The following PDE1C variants were observed in gnomAD, a reference collection of about 807,000 sequenced individuals.
PDE1C encodes the protein dual specificity calcium/calmodulin-dependent 3',5'-cyclic nucleotide phosphodiesterase 1C.
Under a neutral mutation model 93.1 loss-of-function variants are expected in PDE1C, and 62 were observed. That is an observed-to-expected ratio of 0.67 (90% confidence interval 0.54 to 0.82). The LOEUF is 0.82. PDE1C is among the 40% of genes least tolerant of loss of function. PDE1C has a pLI of 0.00. For synonymous variants in PDE1C, 325 were observed against 310.1 expected (o/e 1.05, Z -0.50); for missense variants, 742 against 884.6 (o/e 0.84, Z 2.04).
intron 2 of PDE1C, among the ~76,000 whole-genome samples, chr7:32,198,690 C>G (rs1157030111): frequency 1.3e-5 from 2 of 152,166 alleles, no homozygotes; most frequent in African/African-American, 4.8e-5. Context: ...AGAAAGTTTC[C>G]AGAAACTTTT....
chr7:31,809,217 A>G (rs760441127), intron 15 of PDE1C, 109 bp from the exon 16 acceptor site: 1 of 654,740 alleles, frequency 1.5e-6, no homozygotes, highest in Middle Eastern at 2.6e-4. Context: ...TTTTATAGTC[A>G]TAAGAGTGTA....
At chr7:32,276,054 G>A (rs776914238) in intron 1 of PDE1C, among the ~76,000 whole-genome samples, 25 of 151,674 alleles carry the variant, frequency 1.6e-4, no homozygotes, top group Non-Finnish European at 2.8e-4. Context: ...ATTTACTTTG[G>A]GTATAAATGG....
At chr7:31,747,446 C>T (rs182867120), downstream of PDE1C, among the ~76,000 whole-genome samples, 74 of 152,136 alleles carry the variant, frequency 4.9e-4, no homozygotes, top group Non-Finnish European at 6.8e-4. Context: ...ATTTTGAAAC[C>T]GACTATGCTA....
upstream of PDE1C, among the ~76,000 whole-genome samples, chr7:32,073,013 T>C (rs1796150904): frequency 6.6e-6 from 1 of 152,246 alleles, no homozygotes; most frequent in African/African-American, 2.4e-5. Context: ...ATTCACATTT[T>C]AACTATGTCA....
At chr7:32,264,904 T>C (rs959535288) in intron 1 of PDE1C, among the ~76,000 whole-genome samples, 1 of 152,222 alleles carries the variant, frequency 6.6e-6, no homozygotes, top group Non-Finnish European at 1.5e-5. Flanking sequence ...AAACAGATCC[T>C]TTTTTGTTCC....
At chr7:31,793,937 C>G (rs930543804) in intron 16 of PDE1C, among the ~76,000 whole-genome samples, 4 of 151,306 alleles carry the variant, frequency 2.6e-5, no homozygotes, top group African/African-American at 9.7e-5. Context: ...ATGTATTATT[C>G]CAGCACAGAA....
chr7:32,305,888 G>A (rs540691281), intron 1 of PDE1C, among the ~76,000 whole-genome samples: 8 of 152,290 alleles, frequency 5.3e-5, no homozygotes, highest in South Asian at 2.1e-4. Flanking sequence ...TCAGTCCCTC[G>A]GTCAGGCATT....
At chr7:32,295,809 G>T (rs764196484) in intron 1 of PDE1C, among the ~76,000 whole-genome samples, 3 of 149,602 alleles carry the variant, frequency 2.0e-5, no homozygotes, top group Admixed American at 6.8e-5. Context: ...CAGGAGAATG[G>T]TGTGAACGCG....
the PDE1C span, among the ~76,000 whole-genome samples, chr7:31,635,390 T>C: frequency 7.2e-5 from 11 of 152,316 alleles, no homozygotes; most frequent in South Asian, 2.3e-3. Flanking sequence ...ATTTCACTTC[T>C]AAAACAAACA....
At chr7:31,858,828 A>G (rs1794327975) in intron 7 of PDE1C, among the ~76,000 whole-genome samples, 1 of 152,056 alleles carries the variant, frequency 6.6e-6, no homozygotes, top group Non-Finnish European at 1.5e-5. Flanking sequence ...TCAGCAAAAT[A>G]TTAAGTTCTC....
intron 3 of PDE1C, among the ~76,000 whole-genome samples, chr7:32,156,183 C>T (rs1801565517): frequency 6.6e-6 from 1 of 152,114 alleles, no homozygotes; most frequent in African/African-American, 2.4e-5. Context: ...ATATTTGTTA[C>T]ATAGGTAAAT....
At chr7:31,734,307 T>A in the PDE1C span, among the ~76,000 whole-genome samples, 2 of 152,078 alleles carry the variant, frequency 1.3e-5, no homozygotes, top group Non-Finnish European at 2.9e-5. Context: ...AGGGCCCCCC[T>A]CTTTCATCAG....
At chr7:32,328,896 C>T (rs1291435773) in intron 1 of PDE1C, among the ~76,000 whole-genome samples, 1 of 152,184 alleles carries the variant, frequency 6.6e-6, no homozygotes, top group African/African-American at 2.4e-5. Context: ...CAGTACCTGG[C>T]ACTAGGAGAT....
chr7:32,287,648 G>A (rs369808546), intron 1 of PDE1C, among the ~76,000 whole-genome samples: 12 of 152,310 alleles, frequency 7.9e-5, no homozygotes, highest in Admixed American at 3.3e-4. Flanking sequence ...CGACCCATGC[G>A]CAGGCAGGGC....
chr7:31,630,244 C>CAAAAA, the PDE1C span, among the ~76,000 whole-genome samples: 14 of 103,656 alleles, frequency 1.4e-4, no homozygotes, highest in Admixed American at 2.3e-4. Flanking sequence ...GTCTACTTGG[C>CAAAAA]AAAAAAAAAA....
chr7:31,636,363 G>A, the PDE1C span, among the ~76,000 whole-genome samples: 1 of 152,086 alleles, frequency 6.6e-6, no homozygotes, highest in Non-Finnish European at 1.5e-5. Context: ...ATTGTAAGAG[G>A]GTTAATAGCA....
the PDE1C span, among the ~76,000 whole-genome samples, chr7:31,634,659 C>G: frequency 6.6e-6 from 1 of 152,000 alleles, no homozygotes; most frequent in Non-Finnish European, 1.5e-5. Flanking sequence ...ATGGGATAGG[C>G]AGGATGGGGG....
intron 2 of PDE1C, among the ~76,000 whole-genome samples, chr7:31,885,301 C>A (rs935048165): frequency 6.6e-6 from 1 of 152,210 alleles, no homozygotes. Flanking sequence ...CCATCCATTT[C>A]TGTCACTGCA....
chr7:32,122,146 G>A (rs1234828670), intron 3 of PDE1C, among the ~76,000 whole-genome samples: 1 of 152,192 alleles, frequency 6.6e-6, no homozygotes, highest in African/African-American at 2.4e-5. Flanking sequence ...TAATGGTAAA[G>A]GGATCAATTC....
Sources: gnomAD v4.1 joint callset for allele counts (sites outside exome capture counted in the v4.1 genomes callset) on GRCh38, gnomAD v4.1.1 for gene constraint, MANE v1.5 for transcripts, NCBI Gene and HGNC (gene_info 2026-07-23, HGNC 2026-07-21) for gene names.